The following COA1 variants were observed in gnomAD, a reference collection of about 807,000 sequenced individuals.
The protein encoded by COA1 is cytochrome c oxidase assembly factor 1, also known as cytochrome c oxidase assembly factor 1 homolog.
In COA1, 13 loss-of-function variants were observed where a neutral mutation model predicts 16.0. That is an observed-to-expected ratio of 0.81 (90% CI 0.53 to 1.29). The LOEUF (loss-of-function observed/expected upper bound fraction) is 1.29. Ranked by LOEUF, COA1 falls within the 50% of genes most tolerant of loss-of-function variation. COA1 has a pLI of 0.00. For synonymous variants in COA1, 65 were observed against 65.7 expected (o/e 0.99, Z 0.05); for missense variants, 179 against 177.0 (o/e 1.01, Z -0.06).
intron 6 of COA1, chr7:43,626,036 T>C (rs2084494645): frequency 6.6e-6 from 1 of 152,210 alleles, no homozygotes; most frequent in African/African-American, 2.4e-5. Context: ...AATTAAAATA[T>C]GGAAATGTAA....
intron 2 of COA1, 167 bp downstream of exon 2, chr7:43,648,433 A>C (rs1487412114): frequency 3.8e-6 from 3 of 785,868 alleles, no homozygotes; most frequent in Non-Finnish European, 6.9e-6. Context: ...ACAGAGTGGG[A>C]AACAATGCAG....
intron 6 of COA1, among the ~76,000 whole-genome samples, chr7:43,613,574 G>A (rs1271975338): frequency 6.6e-6 from 1 of 152,086 alleles, no homozygotes; most frequent in East Asian, 1.9e-4. Flanking sequence ...CAGGTGTGGT[G>A]GCTCACACCT....
chr7:43,667,876 A>G (rs2092988438), intron 1 of COA1, among the ~76,000 whole-genome samples: 1 of 152,210 alleles, frequency 6.6e-6, no homozygotes, highest in African/African-American at 2.4e-5. Context: ...GGCCTTTAAT[A>G]ATTGAATAAG....
intron 1 of COA1, among the ~76,000 whole-genome samples, chr7:43,707,714 T>C (rs893701622): frequency 1.3e-5 from 2 of 152,224 alleles, no homozygotes; most frequent in African/African-American, 4.8e-5. Context: ...TTCATTTTCA[T>C]TACAGTACAG....
intron 1 of COA1, among the ~76,000 whole-genome samples, chr7:43,714,356 G>T (rs1441438972): frequency 6.6e-6 from 1 of 151,956 alleles, no homozygotes; most frequent in Admixed American, 6.6e-5. Flanking sequence ...GGCTGGGTGT[G>T]GTGGCTCATA....
rs570784035 is a variant in COA1 at position 43,685,877 on chromosome 7, C to G, written c.-38-37225G>C. ...ACTACTGTAAACACCTCAAAGTCAC[C>G]AAGAAATTTCTATAAAATCTGATTA... On this transcript the variant is annotated intron_variant, in intron 1 of 5. Coordinates refer to ENST00000223336, the MANE Select transcript of COA1 (RefSeq NM_018224.4). 1.1e-3 allele frequency among the ~76,000 whole-genome samples: 174 copies of G among 152,212 alleles called. 2 individuals are homozygous for G. Among genetic ancestry groups the G allele is most frequent in the Non-Finnish European group, 2.0e-3 (133 of 67,998 alleles).
intron 1 of COA1, among the ~76,000 whole-genome samples, chr7:43,678,751 G>A (rs2093640227): frequency 6.6e-6 from 1 of 151,878 alleles, no homozygotes; most frequent in Non-Finnish European, 1.5e-5. Context: ...ACCACAATAA[G>A]ACACCACTAC....
At chr7:43,643,072 G>A (rs963421606) in intron 4 of COA1, among the ~76,000 whole-genome samples, 3 of 152,194 alleles carry the variant, frequency 2.0e-5, no homozygotes, top group South Asian at 2.1e-4. Flanking sequence ...GCATTTGGCC[G>A]CAGTAGAAGC....
At chr7:43,709,270 C>T (rs903846635) in intron 1 of COA1, among the ~76,000 whole-genome samples, 6 of 152,082 alleles carry the variant, frequency 3.9e-5, no homozygotes, top group Non-Finnish European at 7.4e-5. Context: ...TCGTTATCCA[C>T]CTGCCTCGGC....
chr7:43,694,869 G>C (rs189727383), intron 1 of COA1, among the ~76,000 whole-genome samples: 16 of 152,292 alleles, frequency 1.1e-4, no homozygotes, highest in African/African-American at 3.1e-4. Context: ...CTGGAACTTG[G>C]TTGTTCAAGA....
At chr7:43,650,834 G>C (rs1175013360) in intron 1 of COA1, 1 of 148,228 alleles carries the variant, frequency 6.7e-6, no homozygotes, top group South Asian at 2.1e-4. Flanking sequence ...AAAAAAAACA[G>C]AAGAATTATT....
At position 43,639,707 on chromosome 7, in the gene COA1, C is replaced by G. The variant is rs746627302; in HGVS notation, c.342-26G>C. Reference sequence around the variant, plus strand: ...CTGAGAGAAACCAAAAGTATAGTATCTCTAATCTATGAAGGCTGAGGCAAC... The same window carrying G: ...CTGAGAGAAACCAAAAGTATAGTATGTCTAATCTATGAAGGCTGAGGCAAC... On this transcript the variant is annotated intron_variant, in intron 5 of 5. Transcript: ENST00000223336. 4 of 1,578,302 alleles carry G rather than the reference C, an allele frequency of 2.5e-6. No individual in the cohort carries two copies. In the South Asian group the frequency reaches 3.3e-5, roughly 13 times the overall value.
chr7:43,643,704 G>T (rs191448945), intron 4 of COA1, among the ~76,000 whole-genome samples: 4 of 152,288 alleles, frequency 2.6e-5, no homozygotes, highest in African/African-American at 9.6e-5. Flanking sequence ...CACACCTCTG[G>T]TTCATGCTCT....
chr7:43,627,433 G>GTGGT (rs2153032658), intron 6 of COA1, among the ~76,000 whole-genome samples: 1 of 152,264 alleles, frequency 6.6e-6, no homozygotes, highest in East Asian at 1.9e-4. Flanking sequence ...TGTAATGGGG[G>GTGGT]TGGTGCGTGA....
intron 6 of COA1, among the ~76,000 whole-genome samples, chr7:43,618,088 A>G (rs2153000710): frequency 6.6e-6 from 1 of 152,334 alleles, no homozygotes; most frequent in South Asian, 2.1e-4. Flanking sequence ...ATGGAAGGAA[A>G]GGAAATGTGA....
rs2086796782 is a variant in COA1, at chr7:43,640,587, A to G, written c.327T>C (p.Gly109=). The change falls in exon 5 of 6, where the codon GGT becomes GGC. Residue 109 remains glycine (G), a synonymous_variant. Coordinates refer to ENST00000223336, the MANE Select transcript of COA1 (RefSeq NM_018224.4). ...TCCCAGGATACCTCTGAAAGGGGCCACCTCTGGATGAGTGGACGTAGAGAA... is the reference window on the plus strand; with the variant it reads ...TCCCAGGATACCTCTGAAAGGGGCCGCCTCTGGATGAGTGGACGTAGAGAA... ...EGLLYVHSSR[G]GPFQRWHLDE... is the part of the protein sequence containing the mutation. 1 of 1,607,030 alleles carries G rather than the reference A, an allele frequency of 6.2e-7. No individual in the cohort carries two copies. The highest frequency in any genetic ancestry group is 1.3e-5 in the African/African-American group (1 of 74,588).
intron 6 of COA1, among the ~76,000 whole-genome samples, chr7:43,628,777 G>A (rs548953572): frequency 1.3e-5 from 2 of 152,262 alleles, no homozygotes; most frequent in Non-Finnish European, 2.9e-5. Flanking sequence ...ATAAAGGATT[G>A]TCAGATTTAT....
At position 43,727,501 on chromosome 7, in the gene COA1, G is replaced by C. The variant is rs377124472; in HGVS notation, c.-39+1928C>G. 2.6e-5 allele frequency among the ~76,000 whole-genome samples: 4 copies of C among 151,982 alleles called. No individual in the cohort carries two copies. The East Asian group carries it at 7.7e-4, about 29-fold the overall frequency. On this transcript the variant is annotated intron_variant, in intron 1 of 5. Transcript: ENST00000223336. ...CACTAACTAATGGAAAATAAATCGT[G>C]GTAATACCCATAAAAGATTAACCAG... is the stretch of plus-strand genomic sequence containing the variant.
chr7:43,686,257 A>T (rs1181151691), intron 1 of COA1, among the ~76,000 whole-genome samples: 2 of 151,508 alleles, frequency 1.3e-5, no homozygotes, highest in Non-Finnish European at 2.9e-5. Flanking sequence ...CCCTTAAGTA[A>T]ATTTTTCTGG....
Sources: gnomAD v4.1 joint callset for allele counts (sites outside exome capture counted in the v4.1 genomes callset) on GRCh38, gnomAD v4.1.1 for gene constraint, MANE v1.5 for transcripts, NCBI Gene and HGNC (gene_info 2026-07-23, HGNC 2026-07-21) for gene names.